Variants in PIK3C2A observed in about 807,000 individuals in gnomAD.
PIK3C2A encodes phosphatidylinositol-4-phosphate 3-kinase catalytic subunit type 2 alpha.
In PIK3C2A, 97 loss-of-function variants were observed where a neutral mutation model predicts 204.5. The observed-to-expected ratio is 0.47, with a 90% CI of 0.40 to 0.56. The LOEUF is 0.56. Ranked by LOEUF, PIK3C2A falls within the 20% of genes least tolerant of loss-of-function variation. The pLI is 0.00. For missense variants in PIK3C2A, 1,735 were observed against 1,969.2 expected, an observed-to-expected ratio of 0.88 and a Z score of 2.25; for synonymous variants, 653 against 664.4, an observed-to-expected ratio of 0.98 and a Z score of 0.26.
intron 1 of PIK3C2A, among the ~76,000 whole-genome samples, chr11:17,203,359 A>T (rs371540922): frequency 5.3e-5 from 8 of 152,224 alleles, no homozygotes; most frequent in African/African-American, 1.9e-4. Context: ...AGAAAAAAAG[A>T]AATAACATAC....
Position 17,168,970 on chromosome 11 carries a change from C to A in PIK3C2A, c.772G>T (p.Val258Leu), listed in dbSNP as rs1213040117. The A allele has an allele frequency of 6.2e-7, 1 of 1,613,918 alleles. No individual in the cohort carries two copies. The highest frequency in any genetic ancestry group is 8.5e-7 in the Non-Finnish European group (1 of 1,179,980). The part of the protein sequence containing the change: ...ITDSKVSNLQ[V>L]SPKSEDISKF... ...CTGATATCCTCAGACTTTGGAGATACCTGTAGATTGCTGACTTTTGAATCT... is the reference window on the plus strand; with the variant it reads ...CTGATATCCTCAGACTTTGGAGATAACTGTAGATTGCTGACTTTTGAATCT... The change falls in exon 2 of 33, where the codon GTA becomes TTA. Residue 258 changes from valine to leucine, a missense_variant. Val to Leu is a conservative substitution (Grantham distance 32). This residue lies in a region of PIK3C2A where 536 missense variants were observed against 546.7 expected (regional missense o/e 0.98). Transcript: ENST00000691414.
At chr11:17,159,413 A>C (rs937306783) in intron 2 of PIK3C2A, among the ~76,000 whole-genome samples, 1 of 152,258 alleles carries the variant, frequency 6.6e-6, no homozygotes, top group African/African-American at 2.4e-5. Flanking sequence ...GGAAGATACA[A>C]AGTTCTCTAG....
At position 17,129,915 on chromosome 11, in the gene PIK3C2A, T is replaced by C. The variant is rs76595918; in HGVS notation, c.2232-448A>G. On this transcript the variant is annotated intron_variant, in intron 12 of 32. Coordinates refer to ENST00000691414, the MANE Select transcript of PIK3C2A (RefSeq NM_002645.4). ...ATAATCTTTAATACTGAGTAACCTT[T>C]AGCTAAATAGAAGTCTGGCTAACTT... 4.6e-3 allele frequency among the ~76,000 whole-genome samples: 698 copies of C among 152,362 alleles called. 7 individuals are homozygous for C. Among genetic ancestry groups the C allele is most frequent in the African/African-American group, 0.016 (677 of 41,590 alleles).
intron 1 of PIK3C2A, among the ~76,000 whole-genome samples, chr11:17,206,780 T>C (rs1852595313): frequency 2.0e-5 from 3 of 152,166 alleles, no homozygotes; most frequent in Admixed American, 2.0e-4. Flanking sequence ...TTCTTCTTCT[T>C]GCATCTCTTA....
intron 8 of PIK3C2A, 101 bp downstream of exon 8, chr11:17,145,567 A>G: frequency 1.4e-6 from 1 of 717,756 alleles, no homozygotes; most frequent in Non-Finnish European, 2.4e-6. Context: ...TATAGTCTTA[A>G]AAGTCCTAAA....
intron 1 of PIK3C2A, among the ~76,000 whole-genome samples, chr11:17,189,767 T>C (rs1851876948): frequency 7.3e-6 from 1 of 137,038 alleles, no homozygotes; most frequent in Non-Finnish European, 1.5e-5. Flanking sequence ...GAGCTGAAAT[T>C]GAGCCACTGC....
intron 1 of PIK3C2A, chr11:17,193,906 A>G (rs529465597): frequency 4.1e-6 from 1 of 245,472 alleles, no homozygotes; most frequent in Non-Finnish European, 7.5e-6. Flanking sequence ...AGAAAAGAAA[A>G]GAAAAGAAAA....
chr11:17,096,911 T>C (rs1400372003), intron 27 of PIK3C2A, 146 bp downstream of exon 27: 3 of 583,396 alleles, frequency 5.1e-6, no homozygotes, highest in Non-Finnish European at 9.0e-6. Context: ...ATGCTTCAAG[T>C]ACATTTACTT....
At chr11:17,094,986 T>C (rs1848411550) in intron 27 of PIK3C2A, among the ~76,000 whole-genome samples, 1 of 152,160 alleles carries the variant, frequency 6.6e-6, no homozygotes, top group Admixed American at 6.5e-5. Flanking sequence ...CGGTTGCTCA[T>C]GCCTATAATC....
chr11:17,112,102 A>T (rs1849022479), intron 21 of PIK3C2A, among the ~76,000 whole-genome samples: 1 of 152,088 alleles, frequency 6.6e-6, no homozygotes, highest in African/African-American at 2.4e-5. Context: ...CAACTCATTG[A>T]ATTAAACTAA....
intron 2 of PIK3C2A, among the ~76,000 whole-genome samples, chr11:17,161,449 C>T (rs996525410): frequency 1.3e-5 from 2 of 152,096 alleles, no homozygotes; most frequent in South Asian, 4.1e-4. Context: ...GAGTTTACAA[C>T]CAAAGAACTT....
At position 17,162,950 on chromosome 11, in the gene PIK3C2A, C is replaced by A. The variant is rs184287986; in HGVS notation, c.1065+5727G>T. On this transcript the variant is annotated intron_variant, in intron 2 of 32. Coordinates refer to ENST00000691414, the MANE Select transcript of PIK3C2A (RefSeq NM_002645.4). ...GTTCTTGTTCTACTTTTTAGGACAA[C>A]AGATTTTAAAATTAAGCTACTAAAC... Among the ~76,000 whole-genome samples the A allele has an allele frequency of 5.3e-5, 8 of 152,268 alleles. No individual in the cohort carries two copies. The East Asian group carries it at 1.5e-3, about 29-fold the overall frequency.
chr11:17,104,005 CA>C (rs1848724582), intron 23 of PIK3C2A, among the ~76,000 whole-genome samples: 1 of 152,130 alleles, frequency 6.6e-6, no homozygotes. Flanking sequence ...AAAGATCTAA[CA>C]AAGGTCAAAA....
Position 17,105,322 on chromosome 11 carries a change from T to G in PIK3C2A, c.3545-17A>C, listed in dbSNP as rs781073271. 3 of 1,590,224 alleles carry G rather than the reference T, an allele frequency of 1.9e-6. No homozygotes were observed. The highest frequency in any genetic ancestry group is 2.3e-5 in the South Asian group (2 of 87,024). The stretch of plus-strand genomic sequence containing the variant: ...CCACCATGCCTTTAATGATAAAATA[T>G]TAAGCTATGTAAAACTGTCTCTCCA... On this transcript the variant is annotated splice_polypyrimidine_tract_variant and intron_variant, in intron 22 of 32. Transcript: ENST00000691414.
At chr11:17,153,972 T>C (rs1158236710) in intron 3 of PIK3C2A, among the ~76,000 whole-genome samples, 2 of 152,226 alleles carry the variant, frequency 1.3e-5, no homozygotes, top group East Asian at 3.8e-4. Context: ...CCAGTACTTC[T>C]TACTGCTCTA....
chr11:17,185,825 C>A (rs542795290), intron 1 of PIK3C2A, among the ~76,000 whole-genome samples: 4 of 152,094 alleles, frequency 2.6e-5, no homozygotes, highest in Non-Finnish European at 5.9e-5. Context: ...ATTGAAATAG[C>A]CTTCCCCAAA....
At chr11:17,135,530 G>T (rs901841199) in intron 9 of PIK3C2A, among the ~76,000 whole-genome samples, 1 of 151,964 alleles carries the variant, frequency 6.6e-6, no homozygotes, top group African/African-American at 2.4e-5. Flanking sequence ...CACTTGGTTG[G>T]TGACTCAAAA....
chr11:17,132,391 G>A (rs1217704020), intron 11 of PIK3C2A, among the ~76,000 whole-genome samples: 2 of 140,250 alleles, frequency 1.4e-5, no homozygotes, highest in Non-Finnish European at 1.5e-5. Flanking sequence ...CTGCAGTGGC[G>A]CAATCTCGGC....
intron 8 of PIK3C2A, among the ~76,000 whole-genome samples, chr11:17,140,799 T>C (rs897949066): frequency 6.6e-6 from 1 of 152,208 alleles, no homozygotes; most frequent in African/African-American, 2.4e-5. Flanking sequence ...GTACATTTTA[T>C]GATATATAAA....
Sources: allele counts gnomAD v4.1 joint callset (sites outside exome capture counted in the v4.1 genomes callset), GRCh38; gene constraint gnomAD v4.1.1; regional missense constraint gnomAD v4.1.1; transcripts MANE v1.5; gene names NCBI Gene and HGNC (gene_info 2026-07-23, HGNC 2026-07-21).